Variants in PDS5B observed in about 807,000 individuals in gnomAD.
PDS5B encodes the protein sister chromatid cohesion protein PDS5 homolog B.
Under a neutral mutation model 184.1 loss-of-function variants are expected in PDS5B, and 51 were observed. That is an observed-to-expected ratio of 0.28 (90% CI 0.22 to 0.35). The LOEUF (loss-of-function observed/expected upper bound fraction) is 0.35, where lower values mean the gene tolerates loss of function less well. PDS5B is among the 10% of genes least tolerant of loss of function. The probability of loss-of-function intolerance (pLI) is 1.00; values close to 1 mark genes in which losing one functional copy is unlikely to be tolerated. For missense variants in PDS5B, 1,180 were observed against 1,723.3 expected (o/e 0.68, Z 5.58); for synonymous variants, 566 against 569.2 (o/e 0.99, Z 0.08).
At chr13:32,756,991 G>T (rs1222536463) in intron 26 of PDS5B, among the ~76,000 whole-genome samples, 1 of 151,998 alleles carries the variant, frequency 6.6e-6, no homozygotes, top group Non-Finnish European at 1.5e-5. Context: ...CAGATGTGGT[G>T]GTGCGTGCTT....
intron 1 of PDS5B, among the ~76,000 whole-genome samples, chr13:32,644,925 A>G (rs1950181630): frequency 6.6e-6 from 1 of 152,080 alleles, no homozygotes; most frequent in Admixed American, 6.6e-5. Flanking sequence ...ATATTGCTGC[A>G]TTTGGTTTCC....
At chr13:32,622,548 G>A (rs1465127760) in intron 1 of PDS5B, among the ~76,000 whole-genome samples, 1 of 152,090 alleles carries the variant, frequency 6.6e-6, no homozygotes, top group Non-Finnish European at 1.5e-5. Flanking sequence ...AAACGTACTT[G>A]TTAATTACCT....
chr13:32,603,694 C>T (rs949228352), intron 1 of PDS5B, among the ~76,000 whole-genome samples: 4 of 152,142 alleles, frequency 2.6e-5, no homozygotes, highest in African/African-American at 4.8e-5. Context: ...GGCGGTATGG[C>T]CATTTTCACA....
Position 32,753,382 on chromosome 13 carries a change from C to G in PDS5B, c.2787C>G (p.Gly929=), listed in dbSNP as rs150594008. 1.1e-5 allele frequency: 17 copies of G among 1,613,912 alleles called. No individual in the cohort carries two copies. The highest frequency in any genetic ancestry group is 1.6e-4 in the Middle Eastern group (1 of 6,062). ...TGTTTGCCCAGAAACTTCACAAAGG[C>G]CTTTCCCGTTTACGGCTTCCACTTG... The part of the protein sequence containing the change: ...RQVFAQKLHK[G]LSRLRLPLEY... Residue 929 remains glycine (G), a synonymous_variant, in exon 25 of 35, where the codon GGC becomes GGG. Transcript: ENST00000315596.
At chr13:32,669,776 A>C (rs895222563) in intron 7 of PDS5B, among the ~76,000 whole-genome samples, 1 of 152,078 alleles carries the variant, frequency 6.6e-6, no homozygotes, top group Non-Finnish European at 1.5e-5. Flanking sequence ...GTTGTCCACT[A>C]TTTTCTTATT....
chr13:32,710,061 A>G lies in PDS5B; in HGVS notation c.2078A>G (p.Lys693Arg), dbSNP rs749278869. ...GCAGAAGCTGCACTACAAATTTTCA[A>G]AAACACAGGAAGCAAAATTGAAGAG... Reference protein sequence around the residue: ...KVAEAALQIFKNTGSKIEEDF... With the variant: ...KVAEAALQIFRNTGSKIEEDF... The change falls in exon 19 of 35, where the codon AAA becomes AGA. Residue 693 changes from lysine (K) to arginine (R), a missense_variant. By Grantham distance (26) the Lys-to-Arg change is conservative (BLOSUM62 2). Transcript: ENST00000315596. The G allele has an allele frequency of 3.9e-6, 6 of 1,533,738 alleles. No individual in the cohort carries two copies. The highest frequency in any genetic ancestry group is 1.3e-5 in the South Asian group (1 of 76,196).
At chr13:32,712,741 A>T (rs1952247815) in intron 19 of PDS5B, among the ~76,000 whole-genome samples, 1 of 152,196 alleles carries the variant, frequency 6.6e-6, no homozygotes, top group African/African-American at 2.4e-5. Context: ...AAAGAAAGAA[A>T]ACCTGATTTT....
intron 1 of PDS5B, among the ~76,000 whole-genome samples, chr13:32,603,285 A>G (rs2058007176): frequency 6.6e-6 from 1 of 152,230 alleles, no homozygotes; most frequent in Non-Finnish European, 1.5e-5. Flanking sequence ...GGTGTAAGGA[A>G]GGGATCCAGT....
intron 11 of PDS5B, among the ~76,000 whole-genome samples, chr13:32,685,859 C>T (rs1951372445): frequency 6.6e-6 from 1 of 151,944 alleles, no homozygotes. Flanking sequence ...AGGCTGGTCT[C>T]GAATTCCTGG....
intron 20 of PDS5B, among the ~76,000 whole-genome samples, chr13:32,734,208 G>T (rs1430528818): frequency 2.2e-5 from 3 of 138,658 alleles, no homozygotes; most frequent in Non-Finnish European, 3.4e-5. Flanking sequence ...TGTATTTTTA[G>T]CGGAGACGGG....
intron 19 of PDS5B, among the ~76,000 whole-genome samples, chr13:32,723,874 T>C (rs1487152175): frequency 6.6e-6 from 1 of 152,210 alleles, no homozygotes; most frequent in Non-Finnish European, 1.5e-5. Flanking sequence ...CCACGTTATA[T>C]TATTGAAATT....
chr13:32,680,470 A>G (rs1425545172), intron 10 of PDS5B, among the ~76,000 whole-genome samples: 1 of 152,188 alleles, frequency 6.6e-6, no homozygotes, highest in Non-Finnish European at 1.5e-5. Context: ...GTGAGTTACT[A>G]ATGTGTTTGG....
intron 21 of PDS5B, among the ~76,000 whole-genome samples, chr13:32,739,327 C>T (rs756476402): frequency 4.6e-5 from 7 of 152,068 alleles, no homozygotes; most frequent in Admixed American, 6.6e-5. Flanking sequence ...TCCACTGATG[C>T]GTTTGCCCAT....
At position 32,735,362 on chromosome 13, in the gene PDS5B, G is replaced by A; in HGVS notation, c.2406+32G>A. 3 of 1,516,224 alleles carry A rather than the reference G, an allele frequency of 2.0e-6. No individual in the cohort carries two copies. In the South Asian group the frequency reaches 3.7e-5, roughly 19 times the overall value. The allele number at this position is 1,516,224 out of a possible 1,614,324, so 93.9% of individuals were successfully genotyped here. A position where few individuals can be genotyped will look rare whatever the true frequency, so the allele number is the denominator to read the frequency against. ...TATATTTTTTAGATTCATGTTCTTTGTAATGTTAACTTTTGCAATTTTATC... is the reference window on the plus strand; with the variant it reads ...TATATTTTTTAGATTCATGTTCTTTATAATGTTAACTTTTGCAATTTTATC... On this transcript the variant is annotated intron_variant, in intron 21 of 34. Coordinates refer to ENST00000315596, the MANE Select transcript of PDS5B (RefSeq NM_015032.4).
At chr13:32,600,804 A>G (rs1037803135) in intron 1 of PDS5B, among the ~76,000 whole-genome samples, 1 of 152,196 alleles carries the variant, frequency 6.6e-6, no homozygotes, top group Non-Finnish European at 1.5e-5. Context: ...CTTAAAGCTC[A>G]TGTGTTCTCC....
At chr13:32,587,252 CCTCGCCG>C (rs1367996303) in intron 1 of PDS5B, among the ~76,000 whole-genome samples, 1 of 151,716 alleles carries the variant, frequency 6.6e-6, no homozygotes, top group Non-Finnish European at 1.5e-5. Context: ...TTGCACTGTC[CCTCGCCG>C]CTCGCCGGAG....
intron 19 of PDS5B, among the ~76,000 whole-genome samples, chr13:32,722,095 C>T (rs560415550): frequency 5.3e-5 from 8 of 152,372 alleles, no homozygotes; most frequent in South Asian, 4.1e-4. Context: ...AAGACTCCGT[C>T]TGCAATCCCG....
intron 1 of PDS5B, among the ~76,000 whole-genome samples, chr13:32,620,479 C>T (rs542247628): frequency 6.6e-6 from 1 of 151,968 alleles, no homozygotes; most frequent in East Asian, 1.9e-4. Flanking sequence ...ATGGTGAAAC[C>T]CCATCTCTAC....
At chr13:32,647,674 A>T (rs528027315) in intron 1 of PDS5B, among the ~76,000 whole-genome samples, 1 of 152,246 alleles carries the variant, frequency 6.6e-6, no homozygotes, top group East Asian at 1.9e-4. Context: ...CTATTTAAAA[A>T]AAATCTTCTA....
Sources: gnomAD v4.1 joint callset for allele counts (sites outside exome capture counted in the v4.1 genomes callset) on GRCh38, gnomAD v4.1.1 for gene constraint, MANE v1.5 for transcripts, NCBI Gene and HGNC (gene_info 2026-07-23, HGNC 2026-07-21) for gene names.